SDAD1: variants seen among roughly 807,000 people sequenced by gnomAD.
The protein encoded by SDAD1 is protein SDA1 homolog.
Under a neutral mutation model 100.3 loss-of-function variants are expected in SDAD1, and 79 were observed. The ratio of observed to expected loss-of-function variants is 0.79; its 90% CI spans 0.66 to 0.95. The LOEUF (loss-of-function observed/expected upper bound fraction) is 0.95, where lower values mean the gene tolerates loss of function less well. SDAD1 is among the 40% of genes least tolerant of loss of function. The pLI is 0.00. For synonymous variants in SDAD1, 267 were observed against 271.4 expected, an observed-to-expected ratio of 0.98 and a Z score of 0.16; for missense variants, 790 against 810.9, an observed-to-expected ratio of 0.97 and a Z score of 0.31.
At position 75,957,642 on chromosome 4, in the gene SDAD1, G is replaced by A. The variant is rs766131436; in HGVS notation, c.1645C>T (p.Arg549Ter). 9 of 1,613,982 alleles carry A rather than the reference G, an allele frequency of 5.6e-6. No homozygotes were observed. The highest frequency in any genetic ancestry group is 1.3e-5 in the African/African-American group (1 of 74,882). The change falls in exon 19 of 22, where the codon CGA becomes TGA. Residue 549 changes from arginine (R) to a stop codon, truncating the protein, a stop_gained. Coordinates refer to ENST00000356260, the MANE Select transcript of SDAD1 (RefSeq NM_018115.4). LOFTEE classifies it high-confidence loss of function. ...TGGAAGTCTTCCTGAGTTAAAACTC[G>A]GCTAGTGCTGATGGCTGCAGCTTTG... ...KAKAAAISTS[R>*]VLTQEDFQKI...
At position 75,957,909 on chromosome 4, in the gene SDAD1, C is replaced by T. The variant is rs766960005; in HGVS notation, c.1516G>A (p.Glu506Lys). Reference protein sequence around the residue: ...GWESTSLSEEEDADGEWIDVQ... With the variant: ...GWESTSLSEEKDADGEWIDVQ... ...TCAATCCATTCACCATCAGCATCCT[C>T]CTCCTCACTGAGACTGGTACTTTCC... Residue 506 changes from glutamate (E) to lysine (K), a missense_variant, in exon 18 of 22, where the codon GAG becomes AAG. Coordinates refer to ENST00000356260, the MANE Select transcript of SDAD1 (RefSeq NM_018115.4). The T allele has an allele frequency of 1.2e-6, 2 of 1,613,030 alleles. No homozygotes were observed. The highest frequency in any genetic ancestry group is 1.7e-6 in the Non-Finnish European group (2 of 1,180,036).
chr4:75,959,224 G>A (rs1729095935), intron 17 of SDAD1, among the ~76,000 whole-genome samples: 1 of 148,956 alleles, frequency 6.7e-6, no homozygotes, highest in African/African-American at 2.5e-5. Context: ...TCATTCTTCA[G>A]CCCTTTGGAA....
chr4:75,989,811 A>T (rs1215104954), intron 1 of SDAD1, among the ~76,000 whole-genome samples: 1 of 152,218 alleles, frequency 6.6e-6, no homozygotes, highest in Non-Finnish European at 1.5e-5. Context: ...CTGGTGACCT[A>T]AGCCACTGAG....
chr4:75,959,114 A>C (rs1166539714), intron 17 of SDAD1, among the ~76,000 whole-genome samples: 1,818 of 147,906 alleles, frequency 0.012, 74 homozygotes, highest in African/African-American at 0.041. Context: ...AAAAAAAAAA[A>C]AAAAAAAAAA....
rs554547807 is a variant in SDAD1 at position 75,988,332 on chromosome 4, T to C, written c.90+2420A>G. Among the ~76,000 whole-genome samples, 8 of 152,334 alleles carry C rather than the reference T, an allele frequency of 5.3e-5. No homozygotes were observed. The South Asian group carries it at 1.7e-3, about 32-fold the overall frequency. On this transcript the variant is annotated intron_variant, in intron 1 of 21. Coordinates refer to ENST00000356260, the MANE Select transcript of SDAD1 (RefSeq NM_018115.4). ...CTATTTGGAGCCACACTGGCCTTTA[T>C]GTTCCTGAAATCTACCAGGCATACC...
chr4:75,961,697 T>C (rs1048449179), intron 14 of SDAD1, among the ~76,000 whole-genome samples: 1 of 152,226 alleles, frequency 6.6e-6, no homozygotes, highest in Non-Finnish European at 1.5e-5. Context: ...CAGGACAGAT[T>C]AGACAATCCT....
At position 75,961,259 on chromosome 4, in the gene SDAD1, C is replaced by T. The variant is rs372045634; in HGVS notation, c.1231G>A (p.Glu411Lys). The change falls in exon 15 of 22, where the codon GAA becomes AAA. Residue 411 changes from glutamate (E) to lysine (K), a missense_variant. Coordinates refer to ENST00000356260, the MANE Select transcript of SDAD1 (RefSeq NM_018115.4). ...ITARCPLAMT[E>K]ELLQDLAQYK... ...TGAGCCAGGTCTTGGAGAAGTTCTT[C>T]AGTCATGGCCAGAGGACATCGAGCT... 5.0e-6 allele frequency: 8 copies of T among 1,613,928 alleles called. No individual in the cohort carries two copies. In the African/African-American group the frequency reaches 1.1e-4, roughly 22 times the overall value.
chr4:75,959,095 C>A, intron 17 of SDAD1, among the ~76,000 whole-genome samples: 1 of 8,122 alleles, frequency 1.2e-4, no homozygotes. Context: ...AAGACTCTGT[C>A]TCAAAAAAAA....
chr4:75,970,717 G>A (rs1171218285), intron 9 of SDAD1, among the ~76,000 whole-genome samples: 2 of 152,186 alleles, frequency 1.3e-5, no homozygotes, highest in African/African-American at 4.8e-5. Context: ...GACCTCGTGG[G>A]AAGTTATTGG....
intron 14 of SDAD1, among the ~76,000 whole-genome samples, chr4:75,962,233 C>A (rs574477042): frequency 2.0e-5 from 3 of 152,128 alleles, no homozygotes; most frequent in Non-Finnish European, 4.4e-5. Context: ...TGAACTCATC[C>A]TTTTTTATGG....
chr4:75,985,113 C>A (rs1013397689), intron 1 of SDAD1, among the ~76,000 whole-genome samples: 1 of 152,068 alleles, frequency 6.6e-6, no homozygotes, highest in African/African-American at 2.4e-5. Context: ...TCCCCCACCC[C>A]ACCCATGGCC....
intron 1 of SDAD1, among the ~76,000 whole-genome samples, chr4:75,984,778 A>ACACACACACACACACACACACACAC (rs1730779567): frequency 2.9e-5 from 4 of 136,928 alleles, no homozygotes; most frequent in Non-Finnish European, 4.8e-5. Context: ...CACACACACA[A>ACACACACACACACACACACACACAC]ACACACACAC....
chr4:75,979,704 C>T (rs925452570), intron 3 of SDAD1, among the ~76,000 whole-genome samples: 15 of 152,258 alleles, frequency 9.9e-5, no homozygotes, highest in Admixed American at 6.5e-5. Context: ...ATCCTCCTGC[C>T]TCGGCCTCCC....
chr4:75,966,157 G>GT (rs1259389098), intron 12 of SDAD1, among the ~76,000 whole-genome samples: 4 of 152,096 alleles, frequency 2.6e-5, no homozygotes, highest in Admixed American at 2.6e-4. Context: ...GCCTCCAGAT[G>GT]TAAGCCATGA....
intron 17 of SDAD1, 61 bp downstream of exon 17, chr4:75,960,005 A>C (rs1297359614): frequency 3.3e-6 from 5 of 1,512,604 alleles, no homozygotes; most frequent in Non-Finnish European, 4.4e-6. Context: ...ATACAATTTA[A>C]AGGTCTGCAC....
intron 3 of SDAD1, among the ~76,000 whole-genome samples, chr4:75,979,707 G>A (rs893657859): frequency 3.3e-5 from 5 of 151,740 alleles, no homozygotes; most frequent in South Asian, 2.1e-4. Context: ...CTCCTGCCTC[G>A]GCCTCCCAAA....
chr4:75,950,295 A>C lies in SDAD1; in HGVS notation c.*455T>G, dbSNP rs1269919830. The C allele has an allele frequency of 6.5e-6, 1 of 154,460 alleles. No homozygotes were observed. The highest frequency in any genetic ancestry group is 1.9e-4 in the East Asian group (1 of 5,278). The allele number at this position is 154,460 out of a possible 1,614,324, so 9.6% of individuals were successfully genotyped here. ...GTCCTGTTTTGTTTTGTCTTATAAG[A>C]ATATATAACTCCTATCCTCACAGAG... On this transcript the variant is annotated 3_prime_UTR_variant, in exon 22 of 22. Transcript: ENST00000356260.
chr4:75,970,436 C>G, intron 9 of SDAD1, 58 bp from the exon 10 acceptor site: 1 of 1,317,314 alleles, frequency 7.6e-7, no homozygotes, highest in Non-Finnish European at 1.1e-6. Context: ...GCTCTTAGAA[C>G]TTAATGTGCT....
At position 75,974,178 on chromosome 4, in the gene SDAD1, T is replaced by C. The variant is rs373751837; in HGVS notation, c.579-45A>G. 23 of 1,492,620 alleles carry C rather than the reference T, an allele frequency of 1.5e-5. No homozygotes were observed. The African/African-American group carries it at 3.0e-4, about 20-fold the overall frequency. 92.5% of individuals were successfully genotyped at this position (1,492,620 alleles called of 1,614,324 possible). On this transcript the variant is annotated intron_variant, in intron 6 of 21. Coordinates refer to ENST00000356260, the MANE Select transcript of SDAD1 (RefSeq NM_018115.4). ...GCTTTGAAGTAAATTTTCATTCTAC[T>C]GTATTTCATAGCACAGACAATGGCA...
Sources: allele counts gnomAD v4.1 joint callset (sites outside exome capture counted in the v4.1 genomes callset), GRCh38; gene constraint gnomAD v4.1.1; transcripts MANE v1.5; gene names NCBI Gene and HGNC (gene_info 2026-07-23, HGNC 2026-07-21).